Variants in EFHC1 observed in about 807,000 individuals in gnomAD.
EFHC1 encodes the protein EF-hand domain containing 1.
In EFHC1, 53 loss-of-function variants were observed where a neutral mutation model predicts 69.9. The ratio of observed to expected loss-of-function variants is 0.76; its 90% CI spans 0.61 to 0.95. EFHC1 has a LOEUF of 0.95. Ranked by LOEUF, EFHC1 falls within the 40% of genes least tolerant of loss-of-function variation. EFHC1 has a pLI of 0.00. For synonymous variants in EFHC1, 256 were observed against 278.4 expected (o/e 0.92, Z 0.80); for missense variants, 739 against 798.7 (o/e 0.93, Z 0.90).
At chr6:52,433,762 C>T (rs1429964849) in intron 2 of EFHC1, among the ~76,000 whole-genome samples, 1 of 151,726 alleles carries the variant, frequency 6.6e-6, no homozygotes, top group Non-Finnish European at 1.5e-5. Context: ...CCTTTGTCTT[C>T]AGTTACCAGG....
At chr6:52,456,567 T>C (rs1765048984) in intron 5 of EFHC1, among the ~76,000 whole-genome samples, 1 of 152,182 alleles carries the variant, frequency 6.6e-6, no homozygotes, top group Admixed American at 6.5e-5. Context: ...AAAAATTTTT[T>C]ATCAAAGTTG....
intron 3 of EFHC1, among the ~76,000 whole-genome samples, chr6:52,451,453 A>T (rs540676392): frequency 6.6e-5 from 10 of 152,332 alleles, no homozygotes; most frequent in Non-Finnish European, 1.2e-4. Flanking sequence ...AGAATGTTGA[A>T]TATAGGCCCC....
At chr6:52,443,485 C>A (rs1232298175) in intron 3 of EFHC1, among the ~76,000 whole-genome samples, 2 of 152,132 alleles carry the variant, frequency 1.3e-5, no homozygotes, top group Admixed American at 6.5e-5. Context: ...GGAAGGGATC[C>A]AGTTTCAGCT....
At position 52,469,376 on chromosome 6, in the gene EFHC1, CT is replaced by C. The variant is rs753549012; in HGVS notation, c.1182del (p.Gln395ArgfsTer20). 6.2e-7 allele frequency: 1 copy of C among 1,613,878 alleles called. No individual in the cohort carries two copies. The highest frequency in any genetic ancestry group is 1.3e-5 in the African/African-American group (1 of 74,892). On this transcript the variant is annotated frameshift_variant, in exon 7 of 11. Transcript: ENST00000371068. LOFTEE classifies it high-confidence loss of function. Reference protein sequence around the residue: ...YNGFGLVEDSAQNCFALIPKA... With the variant: ...YNGFGLVEDSXQNCFALIPKA... The stretch of plus-strand genomic sequence containing the variant: ...GGTTTTGGACTAGTGGAAGATTCTG[CT>C]CAGAATTGTTTTGCTCTCATTCCAA...
intron 2 of EFHC1, among the ~76,000 whole-genome samples, chr6:52,432,479 A>G (rs968614121): frequency 6.6e-6 from 1 of 152,186 alleles, no homozygotes; most frequent in Admixed American, 6.5e-5. Context: ...GTTTCACTGA[A>G]TACAAAATTC....
intron 7 of EFHC1, among the ~76,000 whole-genome samples, chr6:52,476,553 A>G (rs932761706): frequency 6.6e-6 from 1 of 152,222 alleles, no homozygotes; most frequent in Non-Finnish European, 1.5e-5. Context: ...CAGAAACCTT[A>G]ACCAAGTGAT....
intron 7 of EFHC1, among the ~76,000 whole-genome samples, chr6:52,477,338 A>G (rs922789025): frequency 6.6e-6 from 1 of 152,212 alleles, no homozygotes; most frequent in Non-Finnish European, 1.5e-5. Flanking sequence ...AAATCTAATG[A>G]CTTTTTTAAT....
At chr6:52,440,338 A>G (rs1385855268) in intron 3 of EFHC1, among the ~76,000 whole-genome samples, 2 of 152,078 alleles carry the variant, frequency 1.3e-5, no homozygotes, top group African/African-American at 2.4e-5. Flanking sequence ...CTTATCTAAG[A>G]CATGCATTTT....
chr6:52,438,628 G>A (rs756689082), intron 3 of EFHC1, 37 bp downstream of exon 3: 1 of 1,603,522 alleles, frequency 6.2e-7, no homozygotes, highest in Non-Finnish European at 8.5e-7. Context: ...GGGGTCTGAG[G>A]CATCATTCTA....
chr6:52,479,808 G>C (rs764826304), intron 9 of EFHC1, 21 bp downstream of exon 9: 8 of 1,613,232 alleles, frequency 5.0e-6, no homozygotes, highest in Middle Eastern at 1.6e-4. Flanking sequence ...GATTGCTAGG[G>C]TTTGGCACAC....
chr6:52,426,647 G>C (rs947032569), intron 2 of EFHC1, among the ~76,000 whole-genome samples: 4 of 152,128 alleles, frequency 2.6e-5, no homozygotes, highest in African/African-American at 9.7e-5. Flanking sequence ...CTCAAGTTCT[G>C]TATGTCTCTA....
chr6:52,446,656 T>C (rs911325552), intron 3 of EFHC1, among the ~76,000 whole-genome samples: 4 of 152,172 alleles, frequency 2.6e-5, no homozygotes, highest in African/African-American at 7.2e-5. Flanking sequence ...TTCCTAGCAT[T>C]GATGGTTTTT....
chr6:52,493,371 T>C lies in EFHC1; in HGVS notation c.*1030T>C, dbSNP rs1280227739. On this transcript the variant is annotated 3_prime_UTR_variant, in exon 11 of 11. Transcript: ENST00000371068. The stretch of plus-strand genomic sequence containing the variant: ...CTCTCTTTCTCTCTCTCTACATATA[T>C]ATATATATATATATTTTATATGTAC... 1.0e-5 allele frequency: 2 copies of C among 195,034 alleles called. No homozygotes were observed. The highest frequency in any genetic ancestry group is 5.3e-5 in the African/African-American group (2 of 37,418). 12.1% of individuals were successfully genotyped at this position (195,034 alleles called of 1,614,324 possible). A position where few individuals can be genotyped will look rare whatever the true frequency, so the allele number is the denominator to read the frequency against.
chr6:52,471,161 A>G (rs967492094), intron 7 of EFHC1, among the ~76,000 whole-genome samples: 3 of 152,234 alleles, frequency 2.0e-5, no homozygotes, highest in African/African-American at 7.2e-5. Flanking sequence ...CTGATTCCAG[A>G]AGACCCACCT....
rs1765873500 is a variant in EFHC1 at position 52,490,358 on chromosome 6, T to C, written c.1851+8T>C. ...GACTCCTTGGTTAAGGAGGTCAGTATGAATTACTCTTCTGAGTTCATTGCA... is the reference window on the plus strand; with the variant it reads ...GACTCCTTGGTTAAGGAGGTCAGTACGAATTACTCTTCTGAGTTCATTGCA... On this transcript the variant is annotated splice_region_variant and intron_variant, in intron 10 of 10. Coordinates refer to ENST00000371068, the MANE Select transcript of EFHC1 (RefSeq NM_018100.4). The C allele has an allele frequency of 6.2e-7, 1 of 1,610,942 alleles. No homozygotes were observed. The highest frequency in any genetic ancestry group is 1.3e-5 in the African/African-American group (1 of 74,880).
At chr6:52,434,359 G>A (rs150155570) in intron 2 of EFHC1, among the ~76,000 whole-genome samples, 120 of 152,202 alleles carry the variant, frequency 7.9e-4, no homozygotes, top group Non-Finnish European at 1.1e-3. Flanking sequence ...GACTTTTCCC[G>A]CTGCTTCCTC....
Position 52,429,826 on chromosome 6 carries a change from T to C in EFHC1, c.285+5659T>C, listed in dbSNP as rs368783033. On this transcript the variant is annotated intron_variant, in intron 2 of 10. Coordinates refer to ENST00000371068, the MANE Select transcript of EFHC1 (RefSeq NM_018100.4). ...AATGTTGATTCCCACCCTATCAGCA[T>C]GGAATGTGTTTCCATTATTTGTTTC... The C allele has an allele frequency of 2.1e-4, 32 of 152,280 alleles. 2 individuals carry two copies. In the South Asian group the frequency reaches 6.6e-3, roughly 32 times the overall value. 9.4% of individuals were successfully genotyped at this position (152,280 alleles called of 1,614,324 possible).
chr6:52,430,392 A>G (rs1373360905), intron 2 of EFHC1: 1 of 151,964 alleles, frequency 6.6e-6, no homozygotes, highest in African/African-American at 2.4e-5. Flanking sequence ...CCTTGTATCA[A>G]TTTTGCTGAG....
rs1447315433 is a variant in EFHC1, at chr6:52,494,984, G to GC, written c.*2647dup. 1 of 454,016 alleles carries GC rather than the reference G, an allele frequency of 2.2e-6. No homozygotes were observed. The highest frequency in any genetic ancestry group is 2.3e-5 in the Admixed American group (1 of 42,574). 28.1% of individuals were successfully genotyped at this position (454,016 alleles called of 1,614,324 possible). ...GTTGATTCCATGTCCTTTGCTCAGA[G>GC]CCCCGTTTTGGTGAGTTCTTAGAAC... is the stretch of plus-strand genomic sequence containing the variant. On this transcript the variant is annotated 3_prime_UTR_variant, in exon 11 of 11. Transcript: ENST00000371068.
Sources: allele counts gnomAD v4.1 joint callset (sites outside exome capture counted in the v4.1 genomes callset), GRCh38; gene constraint gnomAD v4.1.1; transcripts MANE v1.5; gene names NCBI Gene and HGNC (gene_info 2026-07-23, HGNC 2026-07-21).